F8: variants seen among roughly 807,000 people sequenced by gnomAD.
F8 encodes coagulation factor VIII, also known as antihemophilic factor.
A neutral mutation model predicts 140.6 loss-of-function variants in F8; 12 were observed. That is an observed-to-expected ratio of 0.09 (90% CI 0.05 to 0.14). F8 has a LOEUF of 0.14. F8 is among the 10% of genes least tolerant of loss of function. The probability of loss-of-function intolerance (pLI) is 1.00; values close to 1 mark genes in which losing one functional copy is unlikely to be tolerated. For synonymous variants in F8, 585 were observed against 614.6 expected (o/e 0.95, Z 0.71); for missense variants, 1,354 against 1,720.7 (o/e 0.79, Z 3.77).
At chrX:154,941,149 A>G (rs1175673264) in intron 13 of F8, among the ~76,000 whole-genome samples, 1 of 112,057 alleles carries the variant, frequency 8.9e-6, no homozygotes, top group Non-Finnish European at 1.9e-5. Flanking sequence ...TGACAAGATC[A>G]AATTCACACA....
chrX:154,978,652 T>C (rs782471697), intron 6 of F8, among the ~76,000 whole-genome samples: 25 of 112,071 alleles, frequency 2.2e-4, no homozygotes, highest in Admixed American at 2.8e-4. Context: ...TGGAGTGTCA[T>C]AGTTCCTTGA....
At chrX:154,881,583 G>A (rs1271747156) in intron 22 of F8, among the ~76,000 whole-genome samples, 1 of 110,953 alleles carries the variant, frequency 9.0e-6, no homozygotes, top group Non-Finnish European at 1.9e-5. Flanking sequence ...AGAATGCATG[G>A]CGGAGCGGGG....
chrX:154,871,002 A>C (rs1009154294), intron 22 of F8, among the ~76,000 whole-genome samples: 1 of 112,207 alleles, frequency 8.9e-6, no homozygotes, highest in Non-Finnish European at 1.9e-5. Context: ...GATGTGAAGG[A>C]CCTCTTCAAG....
chrX:154,960,371 T>C (rs1471150354), intron 10 of F8, among the ~76,000 whole-genome samples: 1 of 111,691 alleles, frequency 9.0e-6, no homozygotes, highest in Non-Finnish European at 1.9e-5. Context: ...AGCCCTTTTG[T>C]AGTTTTAAGC....
At chrX:154,847,455 C>G (rs1437549345) in intron 25 of F8, among the ~76,000 whole-genome samples, 2 of 111,880 alleles carry the variant, frequency 1.8e-5, no homozygotes, top group Non-Finnish European at 3.8e-5. Flanking sequence ...TCACATAGTC[C>G]CATATTTCTT....
chrX:154,916,078 T>C lies in F8; in HGVS notation c.5220-9505A>G, dbSNP rs900167150. Among the ~76,000 whole-genome samples the C allele has an allele frequency of 1.4e-4, 16 of 112,645 alleles. No individual in the cohort carries two copies. In the Admixed American group the frequency reaches 1.5e-3, roughly 11 times the overall value. On this transcript the variant is annotated intron_variant, in intron 14 of 25. Coordinates refer to ENST00000360256, the MANE Select transcript of F8 (RefSeq NM_000132.4). The stretch of plus-strand genomic sequence containing the variant: ...TTGAAATAAATATATGGTTTTTGTC[T>C]TTCCTTCTGTTAATGTGGTGTATCA...
chrX:154,861,328 A>T (rs1019087801), intron 24 of F8, among the ~76,000 whole-genome samples: 9 of 111,549 alleles, frequency 8.1e-5, no homozygotes, highest in African/African-American at 2.9e-4. Context: ...TCAGGGCCAA[A>T]ATTTTTCACA....
chrX:154,906,461 G>A lies in F8; in HGVS notation c.5332C>T (p.Leu1778=). 1 of 1,209,954 alleles carries A rather than the reference G, an allele frequency of 8.3e-7. No homozygotes were observed. Among genetic ancestry groups the A allele is most frequent in the Non-Finnish European group, 1.1e-6 (1 of 894,307 alleles). The change falls in exon 15 of 26, where the codon CTG becomes TTG. Residue 1778 remains leucine (L), a synonymous_variant. Transcript: ENST00000360256. ...RGELNEHLGL[L]GPYIRAEVED... The stretch of plus-strand genomic sequence containing the variant: ...ACTTCTGCTCTTATATATGGCCCCA[G>A]GAGTCCCAAATGTTCATTTAGTTCT...
intron 13 of F8, among the ~76,000 whole-genome samples, chrX:154,940,998 G>A (rs1315882805): frequency 9.0e-6 from 1 of 111,725 alleles, no homozygotes; most frequent in Non-Finnish European, 1.9e-5. Flanking sequence ...CCTGACCTAA[G>A]AGAGCTTCTG....
At chrX:154,991,266 T>A (rs2073586531) in intron 4 of F8, among the ~76,000 whole-genome samples, 1 of 111,840 alleles carries the variant, frequency 8.9e-6, no homozygotes, top group South Asian at 3.8e-4. Context: ...CCCCAGAGGG[T>A]TTGTCCTGGA....
intron 14 of F8, among the ~76,000 whole-genome samples, chrX:154,917,689 G>A (rs2073105189): frequency 9.0e-6 from 1 of 110,512 alleles, no homozygotes; most frequent in Admixed American, 9.6e-5. Flanking sequence ...TTGATTGTTC[G>A]TTTTGCTTGA....
intron 1 of F8, among the ~76,000 whole-genome samples, chrX:155,001,128 A>G (rs17051889): frequency 0.23 from 25,769 of 109,865 alleles, 2,273 homozygotes; most frequent in South Asian, 0.39. Context: ...GAGCAGCCAC[A>G]CTGGAGAATC....
At chrX:154,891,146 T>C (rs1264572991) in intron 22 of F8, among the ~76,000 whole-genome samples, 4 of 112,741 alleles carry the variant, frequency 3.5e-5, no homozygotes, top group Non-Finnish European at 7.5e-5. Context: ...GGGCCAGGCA[T>C]GATGGGAGTA....
At chrX:155,020,496 A>G (rs1206361074) in intron 1 of F8, among the ~76,000 whole-genome samples, 12 of 112,612 alleles carry the variant, frequency 1.1e-4, no homozygotes, top group Non-Finnish European at 3.8e-5. Context: ...CTCTGAAGAT[A>G]TGAAAGAAAA....
rs1211627290 is a variant in F8, at chrX:154,837,194, G to A, written c.*403C>T. On this transcript the variant is annotated 3_prime_UTR_variant, in exon 26 of 26. Coordinates refer to ENST00000360256, the MANE Select transcript of F8 (RefSeq NM_000132.4). ...AACAACTGAGAGTTTTATTTTAAAC[G>A]TATGAGGCTTAACCTGAAATGTTAA... 1.6e-5 allele frequency: 3 copies of A among 184,436 alleles called. No homozygotes were observed. The highest frequency in any genetic ancestry group is 3.1e-5 in the Non-Finnish European group (3 of 98,279). The allele number at this position is 184,436 out of a possible 1,213,427, so 15.2% of individuals were successfully genotyped here.
intron 22 of F8, among the ~76,000 whole-genome samples, chrX:154,870,280 C>T (rs1359701174): frequency 1.8e-5 from 2 of 111,992 alleles, no homozygotes; most frequent in African/African-American, 3.2e-5. Context: ...TGATGAACAT[C>T]GATACAAAAA....
chrX:154,923,351 A>G (rs782052690), intron 14 of F8, among the ~76,000 whole-genome samples: 1 of 111,692 alleles, frequency 9.0e-6, no homozygotes, highest in East Asian at 2.8e-4. Context: ...ATCTTATTCA[A>G]TACTAAGTCC....
chrX:154,990,323 A>G (rs1472170790), intron 4 of F8, among the ~76,000 whole-genome samples: 5 of 111,271 alleles, frequency 4.5e-5, no homozygotes, highest in Non-Finnish European at 9.4e-5. Context: ...GTTTATTGTG[A>G]CTTTTTACTG....
intron 1 of F8, among the ~76,000 whole-genome samples, chrX:155,005,876 C>G (rs1321826332): frequency 9.0e-6 from 1 of 111,515 alleles, no homozygotes; most frequent in Non-Finnish European, 1.9e-5. Context: ...CTCTGCAGAG[C>G]CATCCTAGCT....
Sources: gnomAD v4.1 joint callset for allele counts (sites outside exome capture counted in the v4.1 genomes callset) on GRCh38, gnomAD v4.1.1 for gene constraint, MANE v1.5 for transcripts, NCBI Gene and HGNC (gene_info 2026-07-23, HGNC 2026-07-21) for gene names.